The following ZNF571 variants were observed in gnomAD, a reference collection of about 807,000 sequenced individuals.
The protein encoded by ZNF571 is zinc finger protein 571.
Under a neutral mutation model 7.7 loss-of-function variants are expected in ZNF571, and 4 were observed. The observed-to-expected ratio is 0.52, with a 90% CI of 0.25 to 1.18. The LOEUF (loss-of-function observed/expected upper bound fraction) is 1.18, where lower values mean the gene tolerates loss of function less well. ZNF571 is among the 50% of genes most tolerant of loss of function. ZNF571 has a pLI of 0.14. For synonymous variants in ZNF571, 251 were observed against 232.4 expected (o/e 1.08, Z -0.73); for missense variants, 704 against 726.9 (o/e 0.97, Z 0.36).
At chr19:37,579,141 A>G (rs1401437794) in intron 3 of ZNF571, among the ~76,000 whole-genome samples, 1 of 152,190 alleles carries the variant, frequency 6.6e-6, no homozygotes, top group Non-Finnish European at 1.5e-5. Flanking sequence ...AGTGTTCTGT[A>G]GGACCCTGCA....
At chr19:37,587,856 C>T (rs1000800438) in intron 1 of ZNF571, among the ~76,000 whole-genome samples, 5 of 152,068 alleles carry the variant, frequency 3.3e-5, no homozygotes, top group South Asian at 2.1e-4. Flanking sequence ...CAGTGGCTCA[C>T]GCCTGTAGTC....
In ZNF571 at chr19:37,564,439, A is replaced by G; in HGVS notation, c.*159T>C. 1 of 520,950 alleles carries G rather than the reference A, an allele frequency of 1.9e-6. No homozygotes were observed. Among genetic ancestry groups the G allele is most frequent in the South Asian group, 6.2e-5 (1 of 16,174 alleles). 32.3% of individuals were successfully genotyped at this position (520,950 alleles called of 1,614,324 possible). ...ATATTCTAGCGTTTATAGAGATGTTAAGGAATTATTTAAGGGGTTTCTGAA... is the reference window on the plus strand; with the variant it reads ...ATATTCTAGCGTTTATAGAGATGTTGAGGAATTATTTAAGGGGTTTCTGAA... On this transcript the variant is annotated 3_prime_UTR_variant, in exon 4 of 4. Coordinates refer to ENST00000451802, the MANE Select transcript of ZNF571 (RefSeq NM_016536.5).
At chr19:37,578,768 T>C (rs2043338571) in intron 3 of ZNF571, among the ~76,000 whole-genome samples, 1 of 152,024 alleles carries the variant, frequency 6.6e-6, no homozygotes, top group Non-Finnish European at 1.5e-5. Flanking sequence ...CCCTACCTCC[T>C]CTGAGGCGGC....
At chr19:37,580,785 C>T (rs2147189859) in intron 3 of ZNF571, among the ~76,000 whole-genome samples, 1 of 152,330 alleles carries the variant, frequency 6.6e-6, no homozygotes, top group Non-Finnish European at 1.5e-5. Context: ...ATGGAAGCAG[C>T]CTGAGGTCCT....
At position 37,579,223 on chromosome 19, in the gene ZNF571, G is replaced by A. The variant is rs141909730; in HGVS notation, c.136+4748C>T. On this transcript the variant is annotated intron_variant, in intron 3 of 3. Transcript: ENST00000451802. ...ACATCATAGCCAGCACCTGAACTCT[G>A]GGCTAGCCCGACTGCAGTCCAGCCC... 2.2e-4 allele frequency among the ~76,000 whole-genome samples: 34 copies of A among 152,304 alleles called. No homozygotes were observed. The East Asian group carries it at 6.0e-3, about 27-fold the overall frequency.
intron 2 of ZNF571, chr19:37,585,000 A>G (rs1055014056): frequency 8.6e-5 from 13 of 151,622 alleles, no homozygotes; most frequent in African/African-American, 2.9e-4. Flanking sequence ...CAAATTCTCT[A>G]ATGTCTTTGA....
At chr19:37,590,092 G>A (rs1234027673) in intron 1 of ZNF571, among the ~76,000 whole-genome samples, 3 of 71,556 alleles carry the variant, frequency 4.2e-5, no homozygotes, top group Admixed American at 1.5e-4. Flanking sequence ...TGGATTGGAC[G>A]CCAGATAAGG....
chr19:37,573,615 C>T (rs9941475), intron 3 of ZNF571, among the ~76,000 whole-genome samples: 38,071 of 150,390 alleles, frequency 0.25, 5,488 homozygotes, highest in East Asian at 0.63. Context: ...TCGCTTGGAC[C>T]CAGAAGTGCA....
At position 37,564,934 on chromosome 19, in the gene ZNF571, A is replaced by G; in HGVS notation, c.1494T>C (p.Gly498=). ...ATTCCTTACATTTGTAGGGCTTTTC[A>G]CCTGTATGAATTCTTTGATGATATG... ...QLTYHQRIHT[G]EKPYKCKECD... Residue 498 remains glycine (G), a synonymous_variant, in exon 4 of 4, where the codon GGT becomes GGC. Coordinates refer to ENST00000451802, the MANE Select transcript of ZNF571 (RefSeq NM_016536.5). The G allele has an allele frequency of 6.2e-7, 1 of 1,612,916 alleles. No individual in the cohort carries two copies. Among genetic ancestry groups the G allele is most frequent in the Non-Finnish European group, 8.5e-7 (1 of 1,179,676 alleles).
chr19:37,594,371 C>T (rs548413717), intron 1 of ZNF571: 60 of 152,490 alleles, frequency 3.9e-4, no homozygotes, highest in African/African-American at 1.4e-3. Context: ...CGCACAAGCG[C>T]ACACGCACAC....
chr19:37,577,316 T>C (rs2043276056), intron 3 of ZNF571, among the ~76,000 whole-genome samples: 2 of 152,174 alleles, frequency 1.3e-5, no homozygotes, highest in South Asian at 4.1e-4. Context: ...AAGTGTTTAT[T>C]AAAACCAGCC....
chr19:37,584,759 G>T (rs969921819), intron 2 of ZNF571, among the ~76,000 whole-genome samples: 5 of 151,948 alleles, frequency 3.3e-5, no homozygotes, highest in African/African-American at 1.2e-4. Context: ...TCAGGAGATC[G>T]AGACCATCCT....
chr19:37,586,755 G>GA lies in ZNF571; in HGVS notation c.-69-11dup. 6.6e-7 allele frequency: 1 copy of GA among 1,511,306 alleles called. No homozygotes were observed. Among genetic ancestry groups the GA allele is most frequent in the Non-Finnish European group, 9.1e-7 (1 of 1,099,216 alleles). 93.6% of individuals were successfully genotyped at this position (1,511,306 alleles called of 1,614,324 possible). ...TCCAGAGAAGCCAGTGCTGGACAAG[G>GA]AAAAGAAGCCACAAGATTAGACTTG... is the stretch of plus-strand genomic sequence containing the variant. On this transcript the variant is annotated splice_polypyrimidine_tract_variant and intron_variant, in intron 1 of 3. Transcript: ENST00000451802.
At chr19:37,589,864 C>CAAAAAAAAAAAAAA (rs60136941) in intron 1 of ZNF571, among the ~76,000 whole-genome samples, 2 of 29,588 alleles carry the variant, frequency 6.8e-5, no homozygotes, top group Non-Finnish European at 1.1e-4. Flanking sequence ...GACTCCATCT[C>CAAAAAAAAAAAAAA]AAAAAAAAAA....
chr19:37,565,036 T>TTGAGTAAGATATGCAACACGAATA lies in ZNF571; in HGVS notation c.1368_1391dup (p.Thr463_Gln464insHisIleArgValAlaTyrLeuThr), dbSNP rs753807330. The TTGAGTAAGATATGCAACACGAATA allele has an allele frequency of 2.8e-5, 45 of 1,613,640 alleles. No homozygotes were observed. Among genetic ancestry groups the TTGAGTAAGATATGCAACACGAATA allele is most frequent in the Non-Finnish European group, 3.6e-5 (42 of 1,179,794 alleles). On this transcript the variant is annotated inframe_insertion, in exon 4 of 4. Transcript: ENST00000451802. ...GTTTCTCACCATGAATTTTCTCATG[T>TTGAGTAAGATATGCAACACGAATA]TGAGTAAGATATGCAACACGAATAA...
intron 1 of ZNF571, among the ~76,000 whole-genome samples, chr19:37,589,237 A>C (rs991978840): frequency 1.3e-5 from 2 of 151,766 alleles, no homozygotes; most frequent in Non-Finnish European, 2.9e-5. Flanking sequence ...AAAATGCTAG[A>C]AGGAAAAACA....
In ZNF571 at chr19:37,565,862, T is replaced by C; in HGVS notation, c.566A>G (p.Gln189Arg). The part of the protein sequence containing the change: ...KPSYIQHQRI[Q>R]TGEKPYECME... ...ACACTCATAAGGTTTCTCACCAGTC[T>C]GAATTCTCTGATGTTGAATATAGCT... Residue 189 changes from glutamine to arginine, a missense_variant, in exon 4 of 4, where the codon CAG becomes CGG. Coordinates refer to ENST00000451802, the MANE Select transcript of ZNF571 (RefSeq NM_016536.5). The C allele has an allele frequency of 1.2e-6, 2 of 1,613,948 alleles. No individual in the cohort carries two copies. The highest frequency in any genetic ancestry group is 1.7e-6 in the Non-Finnish European group (2 of 1,179,876).
In ZNF571 at chr19:37,564,484, A is replaced by T; in HGVS notation, c.*114T>A. On this transcript the variant is annotated 3_prime_UTR_variant, in exon 4 of 4. Transcript: ENST00000451802. ...TCTGAAATTATTCTGCATCCATGTT[A>T]ATGTAGGCCTTCTAAGAATGAGCAG... 1 of 903,694 alleles carries T rather than the reference A, an allele frequency of 1.1e-6. No homozygotes were observed. The highest frequency in any genetic ancestry group is 1.6e-6 in the Non-Finnish European group (1 of 644,108). The allele number at this position is 903,694 out of a possible 1,614,324, so 56.0% of individuals were successfully genotyped here. A position where few individuals can be genotyped will look rare whatever the true frequency, so the allele number is the denominator to read the frequency against.
intron 3 of ZNF571, among the ~76,000 whole-genome samples, chr19:37,570,935 AAATT>A (rs1193936174): frequency 6.6e-6 from 1 of 152,216 alleles, no homozygotes; most frequent in African/African-American, 2.4e-5. Context: ...CACATTACTA[AAATT>A]AATAGGCTGT....
Sources: allele counts gnomAD v4.1 joint callset (sites outside exome capture counted in the v4.1 genomes callset), GRCh38; gene constraint gnomAD v4.1.1; transcripts MANE v1.5; gene names NCBI Gene and HGNC (gene_info 2026-07-23, HGNC 2026-07-21).